The following MUC5B variants were observed in gnomAD, a reference collection of about 807,000 sequenced individuals.
The protein encoded by MUC5B is mucin-5B.
In MUC5B, 116 loss-of-function variants were observed where a neutral mutation model predicts 376.9. The ratio of observed to expected loss-of-function variants is 0.31; its 90% CI spans 0.26 to 0.36. The LOEUF is 0.36. Among genes scored for constraint, MUC5B ranks in the 10% least tolerant of loss-of-function variants. MUC5B has a pLI of 1.00. For missense variants in MUC5B, 7,165 were observed against 7,769.9 expected, an observed-to-expected ratio of 0.92 and a Z score of 2.93; for synonymous variants, 3,517 against 3,390.9, an observed-to-expected ratio of 1.04 and a Z score of -1.29.
At chr11:1,236,694 T>C in intron 24 of MUC5B, 132 bp downstream of exon 24, 1 of 1,135,114 alleles carries the variant, frequency 8.8e-7, no homozygotes, top group Non-Finnish European at 1.2e-6. Flanking sequence ...GCCCTGCCTG[T>C]GGCCTCCACA....
rs201236828 is a variant in MUC5B at position 1,246,020 on chromosome 11, C to T, written c.9140C>T (p.Thr3047Ile). The T allele has an allele frequency of 3.1e-6, 5 of 1,612,776 alleles. No individual in the cohort carries two copies. In the South Asian group the frequency reaches 5.5e-5, roughly 18 times the overall value. ...GCCACTTCCTCCTCCAGTCCAAGGA[C>T]TGCAACCACCCTTCCAGTGCTGACA... Reference protein sequence around the residue: ...SKATSSSSPRTATTLPVLTST... With the variant: ...SKATSSSSPRIATTLPVLTST... The change falls in exon 31 of 49, where the codon ACT becomes ATT. Residue 3047 changes from threonine to isoleucine, a missense_variant. Thr to Ile is a moderately conservative substitution (Grantham distance 89). Coordinates refer to ENST00000529681, the MANE Select transcript of MUC5B (RefSeq NM_002458.3).
At chr11:1,252,554 G>A in intron 32 of MUC5B, 30 bp downstream of exon 32, 1 of 1,506,732 alleles carries the variant, frequency 6.6e-7, no homozygotes, top group Non-Finnish European at 8.9e-7. Flanking sequence ...CACCTCCCGT[G>A]CTGCGTGCAC....
chr11:1,231,063 C>T lies in MUC5B; in HGVS notation c.1540+58C>T, dbSNP rs2133810859. On this transcript the variant is annotated intron_variant, in intron 13 of 48. Coordinates refer to ENST00000529681, the MANE Select transcript of MUC5B (RefSeq NM_002458.3). ...TGGCGCCTGCTTGCAGGGGCAGCTCCCACAGCCTGGGCAGCGTCCGCTCCA... is the reference window on the plus strand; with the variant it reads ...TGGCGCCTGCTTGCAGGGGCAGCTCTCACAGCCTGGGCAGCGTCCGCTCCA... 3.3e-6 allele frequency: 5 copies of T among 1,500,638 alleles called. 1 individual carries two copies. The South Asian group carries it at 6.0e-5, about 18-fold the overall frequency. The allele number at this position is 1,500,638 out of a possible 1,614,324, so 93.0% of individuals were successfully genotyped here.
Position 1,258,545 on chromosome 11 carries a change from C to T in MUC5B, c.16593+178C>T, listed in dbSNP as rs1042145768. 6.6e-6 allele frequency among the ~76,000 whole-genome samples: 1 copy of T among 152,118 alleles called. No homozygotes were observed. Among genetic ancestry groups the T allele is most frequent in the Admixed American group, 6.5e-5 (1 of 15,282 alleles). ...CTTGGGACTCAGGGGCACCTTACGT[C>T]GACAGCCATGAGCTCCACAACTGCT... On this transcript the variant is annotated intron_variant, in intron 43 of 48. Transcript: ENST00000529681. This position sits in a 1 kb window ranked among gnomAD's most constrained non-coding sequence, Gnocchi z 5.5.
At position 1,229,708 on chromosome 11, in the gene MUC5B, T is replaced by A. The variant is rs1408615987; in HGVS notation, c.1121T>A (p.Ile374Asn). The change falls in exon 10 of 49, where the codon ATC (isoleucine) becomes AAC (asparagine). Residue 374 changes from isoleucine to asparagine, a missense_variant. Around this residue, in one of 31 missense-constraint regions of MUC5B, gnomAD observed 640 missense variants for 733.0 expected, o/e 0.87. Coordinates refer to ENST00000529681, the MANE Select transcript of MUC5B (RefSeq NM_002458.3). The stretch of plus-strand genomic sequence containing the variant: ...CCCACAGGCACGGTGCTGGATGACA[T>A]CACGCACTCTGGCTGCCTGCCCCTC... ...FCPPGTVLDDITHSGCLPLGQ... is the reference protein window; with the variant it reads ...FCPPGTVLDDNTHSGCLPLGQ... 2 of 1,585,270 alleles carry A rather than the reference T, an allele frequency of 1.3e-6. No homozygotes were observed. The highest frequency in any genetic ancestry group is 1.7e-6 in the Non-Finnish European group (2 of 1,170,068).
At position 1,253,043 on chromosome 11, in the gene MUC5B, T is replaced by G; in HGVS notation, c.15217+63T>G. 6.3e-7 allele frequency: 1 copy of G among 1,585,526 alleles called. No individual in the cohort carries two copies. Among genetic ancestry groups the G allele is most frequent in the Non-Finnish European group, 8.6e-7 (1 of 1,165,880 alleles). ...AGGTGGAGCAGAGTGCACCGTCGGC[T>G]AGGCTGGCAGAATGGGGCATGGTGG... On this transcript the variant is annotated intron_variant, in intron 33 of 48. Coordinates refer to ENST00000529681, the MANE Select transcript of MUC5B (RefSeq NM_002458.3). This position sits in a 1 kb window ranked among gnomAD's most constrained non-coding sequence, Gnocchi z 4.3.
Position 1,246,679 on chromosome 11 carries a change from C to A in MUC5B, c.9799C>A (p.Pro3267Thr), listed in dbSNP as rs373024671. The A allele has an allele frequency of 2.5e-6, 4 of 1,610,060 alleles. No individual in the cohort carries two copies. The Admixed American group carries it at 6.7e-5, about 27-fold the overall frequency. ...TPTATMSTATPSSTPETVHTS... is the reference protein window; with the variant it reads ...TPTATMSTATTSSTPETVHTS... The stretch of plus-strand genomic sequence containing the variant: ...CACGGCCACCATGTCCACAGCCACA[C>A]CCTCCTCTACTCCAGAGACTGTCCA... The change falls in exon 31 of 49, where the codon CCC becomes ACC. Residue 3267 changes from proline to threonine, a missense_variant. Physicochemically the swap from Pro to Thr is conservative, Grantham distance 38. This residue lies in a region of MUC5B where 939 missense variants were observed against 770.6 expected (regional missense o/e 1.22). Transcript: ENST00000529681.
chr11:1,252,613 C>A (rs1175613573), intron 32 of MUC5B, 89 bp downstream of exon 32: 2 of 1,405,920 alleles, frequency 1.4e-6, no homozygotes, highest in African/African-American at 2.9e-5. Flanking sequence ...TCCCGAGGCC[C>A]GTCTCAGTGA....
rs370453860 is a variant in MUC5B at position 1,240,287 on chromosome 11, C to G, written c.3882C>G (p.Thr1294=). ...TCGCCATCTGCGGAAGCAACGGCAC[C>G]ATCATCAGGAAGGCTGTGGCATGTC... The part of the protein sequence containing the change: ...CLIAICGSNG[T]IIRKAVACPG... Residue 1294 remains threonine, a synonymous_variant, in exon 30 of 49, where the codon ACC becomes ACG. Coordinates refer to ENST00000529681, the MANE Select transcript of MUC5B (RefSeq NM_002458.3). The G allele has an allele frequency of 4.6e-5, 75 of 1,613,572 alleles. No individual in the cohort carries two copies. The highest frequency in any genetic ancestry group is 6.7e-5 in the Admixed American group (4 of 59,988).
Position 1,254,720 on chromosome 11 carries a change from C to T in MUC5B, c.15504C>T (p.Ser5168=), listed in dbSNP as rs1330219511. 2 of 1,612,764 alleles carry T rather than the reference C, an allele frequency of 1.2e-6. No homozygotes were observed. Among genetic ancestry groups the T allele is most frequent in the Non-Finnish European group, 1.7e-6 (2 of 1,179,694 alleles). The change falls in exon 35 of 49, where the codon AGC becomes AGT. Residue 5168 remains serine (S), a synonymous_variant. Transcript: ENST00000529681. The part of the protein sequence containing the change: ...GLILFDQIPV[S]SGFSKNGVLV... ...TCCTGTTTGACCAAATTCCGGTGAG[C>T]AGCGGTTTCAGCAAGAACGGCGTGC...
Position 1,240,854 on chromosome 11 carries a change from C to A in MUC5B, c.3974C>A (p.Pro1325Gln). 1.2e-6 allele frequency: 2 copies of A among 1,606,304 alleles called. No individual in the cohort carries two copies. Among genetic ancestry groups the A allele is most frequent in the South Asian group, 1.1e-5 (1 of 90,268 alleles). Reference protein sequence around the residue: ...TAWVPHSTTSPALPVSTVCVR... With the variant: ...TAWVPHSTTSQALPVSTVCVR... ...CCCTTTCCCATGCCCCTTGCAGGCC[C>A]GGCCCTCCCGGTCTCCACCGTGTGT... The change falls in exon 31 of 49, where the codon CCG (proline) becomes CAG (glutamine). Residue 1325 changes from proline (P) to glutamine (Q), a missense_variant. Pro to Gln is a moderately conservative substitution (Grantham distance 76). Coordinates refer to ENST00000529681, the MANE Select transcript of MUC5B (RefSeq NM_002458.3).
Position 1,244,832 on chromosome 11 carries a change from C to CCAT in MUC5B, c.7954_7956dup (p.Ile2652dup), listed in dbSNP as rs1862407251. On this transcript the variant is annotated inframe_insertion, in exon 31 of 49. Coordinates refer to ENST00000529681, the MANE Select transcript of MUC5B (RefSeq NM_002458.3). Reference sequence around the variant, plus strand: ...AGAGGTTCCACGGTGACCCCCTCCTCCATCCCGGGGACCACCCACACCCCC... The same window carrying CCAT: ...AGAGGTTCCACGGTGACCCCCTCCTCCATCATCCCGGGGACCACCCACACCCCC... The CCAT allele has an allele frequency of 8.1e-6, 13 of 1,613,752 alleles. No homozygotes were observed. The highest frequency in any genetic ancestry group is 2.2e-5 in the South Asian group (2 of 91,074).
In MUC5B at chr11:1,256,786, C is replaced by T; in HGVS notation, c.16237+15C>T. Reference sequence around the variant, plus strand: ...GCAGGCCTGCCGTAAGCTCCGCCACCTGTGGCGGGATACGACCCTGGGCCC... The same window carrying T: ...GCAGGCCTGCCGTAAGCTCCGCCACTTGTGGCGGGATACGACCCTGGGCCC... On this transcript the variant is annotated intron_variant, in intron 39 of 48. Coordinates refer to ENST00000529681, the MANE Select transcript of MUC5B (RefSeq NM_002458.3). 6.6e-7 allele frequency: 1 copy of T among 1,516,366 alleles called. No homozygotes were observed. The highest frequency in any genetic ancestry group is 1.2e-5 in the South Asian group (1 of 80,010). 93.9% of individuals were successfully genotyped at this position (1,516,366 alleles called of 1,614,324 possible).
Position 1,250,347 on chromosome 11 carries a change from A to C in MUC5B, c.13467A>C (p.Thr4489=), listed in dbSNP as rs1290536743. ...PHVSTTATTP[T]VTSSKATPSS... ...TGAGCACCACGGCCACGACACCCAC[A>C]GTCACCAGCTCCAAAGCCACTCCCT... The change falls in exon 31 of 49, where the codon ACA becomes ACC. Residue 4489 remains threonine (T), a synonymous_variant. Coordinates refer to ENST00000529681, the MANE Select transcript of MUC5B (RefSeq NM_002458.3). 1 of 1,612,728 alleles carries C rather than the reference A, an allele frequency of 6.2e-7. No homozygotes were observed. The highest frequency in any genetic ancestry group is 8.5e-7 in the Non-Finnish European group (1 of 1,179,456).
At chr11:1,235,505 G>T in intron 23 of MUC5B, 92 bp downstream of exon 23, 1 of 1,113,906 alleles carries the variant, frequency 9.0e-7, no homozygotes, top group Non-Finnish European at 1.3e-6. Context: ...TGCACCCACA[G>T]GTTCTCAGCA....
In MUC5B at chr11:1,238,930, T is replaced by A. The variant is rs78177850; in HGVS notation, c.3357T>A (p.Gly1119=). 2 of 1,573,562 alleles carry A rather than the reference T, an allele frequency of 1.3e-6. No homozygotes were observed. Among genetic ancestry groups the A allele is most frequent in the East Asian group, 2.4e-5 (1 of 42,540 alleles). The part of the protein sequence containing the change: ...CVNDACACDS[G]GDCECFCTAV... ...ACGACGCGTGTGCCTGCGACTCGGG[T>A]GGCGACTGCGAGTGTTTCTGCACGG... is the stretch of plus-strand genomic sequence containing the variant. Residue 1119 remains glycine (G), a synonymous_variant, in exon 26 of 49, where the codon GGT becomes GGA. Coordinates refer to ENST00000529681, the MANE Select transcript of MUC5B (RefSeq NM_002458.3).
intron 12 of MUC5B, 150 bp from the exon 13 acceptor site, chr11:1,230,786 G>T (rs1017151281): frequency 9.9e-7 from 1 of 1,008,596 alleles, no homozygotes; most frequent in Non-Finnish European, 1.5e-6. Context: ...CCTCCCGGGG[G>T]GGCAATTGCA....
rs1396544913 is a variant in MUC5B at position 1,240,937 on chromosome 11, C to T, written c.4057C>T (p.Leu1353=). ...CAATGGGCACCGCCCAGAGCCCGGC[C>T]TGGGAGGCGGAGACTTTGAGACGTT... ...WYNGHRPEPG[L]GGGDFETFEN... Residue 1353 remains leucine, a synonymous_variant, in exon 31 of 49, where the codon CTG becomes TTG. Coordinates refer to ENST00000529681, the MANE Select transcript of MUC5B (RefSeq NM_002458.3). 1 of 1,613,100 alleles carries T rather than the reference C, an allele frequency of 6.2e-7. No homozygotes were observed. The highest frequency in any genetic ancestry group is 2.2e-5 in the East Asian group (1 of 44,888).
In MUC5B at chr11:1,231,984, C is replaced by A; in HGVS notation, c.1679-12C>A. On this transcript the variant is annotated splice_polypyrimidine_tract_variant and intron_variant, in intron 14 of 48. Transcript: ENST00000529681. ...ACAGTGGCCGCTGACATCCCCCAAC[C>A]CTGGCCCCCAGGCCTGTGTGGGAAC... The A allele has an allele frequency of 6.2e-7, 1 of 1,612,494 alleles. No individual in the cohort carries two copies. The highest frequency in any genetic ancestry group is 1.1e-5 in the South Asian group (1 of 91,076).
Sources: gnomAD v4.1 joint callset for allele counts (sites outside exome capture counted in the v4.1 genomes callset) on GRCh38, gnomAD v4.1.1 for gene constraint, gnomAD v4.1.1 regional missense constraint, Gnocchi (gnomAD v3.1) non-coding constraint, MANE v1.5 for transcripts, NCBI Gene and HGNC (gene_info 2026-07-23, HGNC 2026-07-21) for gene names.